Variants in PCDHB9 observed in about 807,000 individuals in gnomAD.
PCDHB9 encodes the protein protocadherin beta-9.
For missense variants in PCDHB9, 1,072 were observed against 995.1 expected (o/e 1.08, Z -1.04); for synonymous variants, 501 against 439.7 (o/e 1.14, Z -1.75).
At position 141,188,546 on chromosome 5, in the gene PCDHB9, G is replaced by A. The variant is rs377283406; in HGVS notation, c.1228G>A (p.Asp410Asn). Residue 410 changes from aspartate (D) to asparagine (N), a missense_variant, in exon 1 of 1, where the codon GAC (aspartate) becomes AAC (asparagine). Asp to Asn is a conservative substitution (Grantham distance 23, BLOSUM62 1). Transcript: ENST00000316105. The part of the protein sequence containing the change: ...FYILMTEGAL[D>N]RESKAEYNIT... Reference sequence around the variant, plus strand: ...CATCCTAATGACTGAAGGTGCACTGGACAGAGAGAGCAAAGCTGAGTACAA... The same window carrying A: ...CATCCTAATGACTGAAGGTGCACTGAACAGAGAGAGCAAAGCTGAGTACAA... 1.9e-6 allele frequency: 3 copies of A among 1,614,054 alleles called. No individual in the cohort carries two copies. The African/African-American group carries it at 4.0e-5, about 22-fold the overall frequency.
Position 141,187,656 on chromosome 5 carries a change from C to T in PCDHB9, c.338C>T (p.Pro113Leu), listed in dbSNP as rs782255448. ...TATTTCCAAATTTTAATGGATGATC[C>T]CTTTCAGATTTACCGGGCTGAGCTG... ...MLYFQILMDDPFQIYRAELRV... is the reference protein window; with the variant it reads ...MLYFQILMDDLFQIYRAELRV... Residue 113 changes from proline (P) to leucine (L), a missense_variant, in exon 1 of 1, where the codon CCC becomes CTC. Transcript: ENST00000316105. The T allele has an allele frequency of 2.7e-5, 43 of 1,613,752 alleles. No individual in the cohort carries two copies. Among genetic ancestry groups the T allele is most frequent in the Non-Finnish European group, 3.5e-5 (41 of 1,179,960 alleles).
chr5:141,188,041 G>C lies in PCDHB9; in HGVS notation c.723G>C (p.Gln241His). The change falls in exon 1 of 1, where the codon CAG becomes CAC. Residue 241 changes from glutamine (Q) to histidine (H), a missense_variant. Gln to His is a conservative substitution (Grantham distance 24, BLOSUM62 0). Transcript: ENST00000316105. ...VVLDVNDNVP[Q>H]FAQALYETQA... ...TGGATGTCAATGACAATGTCCCACAGTTTGCCCAGGCTCTGTATGAGACCC... is the reference window on the plus strand; with the variant it reads ...TGGATGTCAATGACAATGTCCCACACTTTGCCCAGGCTCTGTATGAGACCC... 1 of 1,614,024 alleles carries C rather than the reference G, an allele frequency of 6.2e-7. No individual in the cohort carries two copies. Among genetic ancestry groups the C allele is most frequent in the African/African-American group, 1.3e-5 (1 of 75,002 alleles).
In PCDHB9 at chr5:141,188,501, C is replaced by T; in HGVS notation, c.1183C>T (p.Pro395Ser). The change falls in exon 1 of 1, where the codon CCG (proline) becomes TCG (serine). Residue 395 changes from proline to serine, a missense_variant. Physicochemically the swap from Pro to Ser is moderately conservative, Grantham distance 74 (BLOSUM62 -1). Transcript: ENST00000316105. ...VQDNLPFFLK[P>S]SVDNFYILMT... is the part of the protein sequence containing the mutation. ...AGATAATCTGCCTTTTTTTCTGAAA[C>T]CGTCTGTTGACAATTTTTACATCCT... 1 of 1,614,122 alleles carries T rather than the reference C, an allele frequency of 6.2e-7. No homozygotes were observed. The highest frequency in any genetic ancestry group is 8.5e-7 in the Non-Finnish European group (1 of 1,180,008).
rs1554283397 is a variant in PCDHB9, at chr5:141,189,561, G to A, written c.2243G>A (p.Ser748Asn). The change falls in exon 1 of 1, where the codon AGC (serine) becomes AAC (asparagine). Residue 748 changes from serine (S) to asparagine (N), a missense_variant. Physicochemically the swap from Ser to Asn is conservative, Grantham distance 46. Transcript: ENST00000316105. ...DVSGTGTLFQSYQYEVCLTGG... is the reference protein window; with the variant it reads ...DVSGTGTLFQNYQYEVCLTGG... ...AGCGGCACCGGGACCCTGTTCCAGAGCTACCAGTACGAGGTGTGTCTGACT... is the reference window on the plus strand; with the variant it reads ...AGCGGCACCGGGACCCTGTTCCAGAACTACCAGTACGAGGTGTGTCTGACT... 1.9e-6 allele frequency: 3 copies of A among 1,614,144 alleles called. No homozygotes were observed. Among genetic ancestry groups the A allele is most frequent in the Admixed American group, 1.7e-5 (1 of 60,022 alleles).
In PCDHB9 at chr5:141,188,743, C is replaced by T. The variant is rs1369031792; in HGVS notation, c.1425C>T (p.Ala475=). Residue 475 remains alanine, a synonymous_variant, in exon 1 of 1, where the codon GCC becomes GCT. Coordinates refer to ENST00000316105, the MANE Select transcript of PCDHB9 (RefSeq NM_019119.5). The part of the protein sequence containing the change: ...SPALHIGSVS[A]TDRDSGTNAQ... ...CCCTGCACATCGGCAGTGTCAGCGCCACAGACAGAGACTCAGGCACCAACG... is the reference window on the plus strand; with the variant it reads ...CCCTGCACATCGGCAGTGTCAGCGCTACAGACAGAGACTCAGGCACCAACG... 59 of 1,613,200 alleles carry T rather than the reference C, an allele frequency of 3.7e-5. No individual in the cohort carries two copies. Among genetic ancestry groups the T allele is most frequent in the East Asian group, 4.5e-5 (2 of 44,894 alleles).
In PCDHB9 at chr5:141,187,727, G is replaced by C. The variant is rs782272485; in HGVS notation, c.409G>C (p.Glu137Gln). The C allele has an allele frequency of 1.9e-6, 3 of 1,614,174 alleles. No homozygotes were observed. In the Admixed American group the frequency reaches 5.0e-5, roughly 27 times the overall value. The change falls in exon 1 of 1, where the codon GAG becomes CAG. Residue 137 changes from glutamate to glutamine, a missense_variant. Coordinates refer to ENST00000316105, the MANE Select transcript of PCDHB9 (RefSeq NM_019119.5). ...NDHSPVFRHK[E>Q]MVLKISENTA... ...TCACTCGCCAGTGTTTCGGCACAAAGAGATGGTCTTAAAAATATCAGAAAA... is the reference window on the plus strand; with the variant it reads ...TCACTCGCCAGTGTTTCGGCACAAACAGATGGTCTTAAAAATATCAGAAAA...
In PCDHB9 at chr5:141,189,255, A is replaced by G; in HGVS notation, c.1937A>G (p.Asp646Gly). 4.4e-6 allele frequency: 7 copies of G among 1,607,568 alleles called. No homozygotes were observed. Among genetic ancestry groups the G allele is most frequent in the Non-Finnish European group, 5.9e-6 (7 of 1,179,694 alleles). Residue 646 changes from aspartate (D) to glycine (G), a missense_variant, in exon 1 of 1, where the codon GAC (aspartate) becomes GGC (glycine). Coordinates refer to ENST00000316105, the MANE Select transcript of PCDHB9 (RefSeq NM_019119.5). The part of the protein sequence containing the change: ...AKHRLVVLVK[D>G]NGEPPRSATA... ...CACAGGCTGGTGGTGCTTGTCAAGG[A>G]CAATGGCGAGCCTCCTCGCTCGGCC...
At position 141,189,711 on chromosome 5, in the gene PCDHB9, G is replaced by T. The variant is rs1554283436; in HGVS notation, c.2393G>T (p.Ter798LeuextTer5). 1.9e-6 allele frequency: 3 copies of T among 1,571,798 alleles called. No homozygotes were observed. The highest frequency in any genetic ancestry group is 2.3e-5 in the South Asian group (2 of 85,396). The change falls in exon 1 of 1, where the codon TGA (stop) becomes TTA (leucine). Residue 798 changes from the stop codon to leucine, a stop_lost. Transcript: ENST00000316105. ...CCCAATAGCTTTGGATTTAATTATT[G>T]AAAGGAACCCACTTAATAAAGACAT... is the stretch of plus-strand genomic sequence containing the variant. ...TLPNSFGFNY[*>L] is the part of the protein sequence containing the mutation.
Position 141,190,012 on chromosome 5 carries a change from C to G in PCDHB9, c.*300C>G, listed in dbSNP as rs912902194. ...ATTGCCTCTACATTATTCATTAGTTCTTCTTTTCCTAAAACTTTTTACTTG... is the reference window on the plus strand; with the variant it reads ...ATTGCCTCTACATTATTCATTAGTTGTTCTTTTCCTAAAACTTTTTACTTG... On this transcript the variant is annotated 3_prime_UTR_variant, in exon 1 of 1. Transcript: ENST00000316105. The G allele has an allele frequency of 4.1e-6, 1 of 244,354 alleles. No individual in the cohort carries two copies. Among genetic ancestry groups the G allele is most frequent in the Admixed American group, 5.0e-5 (1 of 19,830 alleles). 15.1% of individuals were successfully genotyped at this position (244,354 alleles called of 1,614,324 possible). A position where few individuals can be genotyped will look rare whatever the true frequency, so the allele number is the denominator to read the frequency against.
Position 141,189,442 on chromosome 5 carries a change from C to T in PCDHB9, c.2124C>T (p.Phe708=), listed in dbSNP as rs1179429492. Residue 708 remains phenylalanine, a synonymous_variant, in exon 1 of 1, where the codon TTC becomes TTT. Coordinates refer to ENST00000316105, the MANE Select transcript of PCDHB9 (RefSeq NM_019119.5). ...TCTTCCTCCTCTCGGTGCTCCTGTTCGTGGCGGTGCGGCTGTGCAGGAGGA... is the reference window on the plus strand; with the variant it reads ...TCTTCCTCCTCTCGGTGCTCCTGTTTGTGGCGGTGCGGCTGTGCAGGAGGA... ...SSLFLLSVLL[F]VAVRLCRRSR... 6.2e-7 allele frequency: 1 copy of T among 1,612,122 alleles called. No individual in the cohort carries two copies. Among genetic ancestry groups the T allele is most frequent in the Non-Finnish European group, 8.5e-7 (1 of 1,179,730 alleles).
chr5:141,188,254 A>G lies in PCDHB9; in HGVS notation c.936A>G (p.Val312=), dbSNP rs782368534. Residue 312 remains valine (V), a synonymous_variant, in exon 1 of 1, where the codon GTA becomes GTG. Coordinates refer to ENST00000316105, the MANE Select transcript of PCDHB9 (RefSeq NM_019119.5). ...FLRELLDYEL[V]NSYKINIQAM... Reference sequence around the variant, plus strand: ...GAGAATTGCTTGATTATGAGTTAGTAAATTCTTACAAAATAAATATACAGG... The same window carrying G: ...GAGAATTGCTTGATTATGAGTTAGTGAATTCTTACAAAATAAATATACAGG... 4.3e-6 allele frequency: 7 copies of G among 1,613,904 alleles called. No homozygotes were observed. The highest frequency in any genetic ancestry group is 4.0e-5 in the African/African-American group (3 of 74,934).
In PCDHB9 at chr5:141,188,379, A is replaced by G. The variant is rs1554282990; in HGVS notation, c.1061A>G (p.Asn354Ser). The change falls in exon 1 of 1, where the codon AAC (asparagine) becomes AGC (serine). Residue 354 changes from asparagine to serine, a missense_variant. Physicochemically the swap from Asn to Ser is conservative, Grantham distance 46. Transcript: ENST00000316105. ...PPELIISSLS[N>S]SVAENSPGIV... Reference sequence around the variant, plus strand: ...GAACTGATCATATCATCACTTTCCAACTCTGTTGCTGAAAACTCTCCTGGG... The same window carrying G: ...GAACTGATCATATCATCACTTTCCAGCTCTGTTGCTGAAAACTCTCCTGGG... 3 of 1,613,922 alleles carry G rather than the reference A, an allele frequency of 1.9e-6. No homozygotes were observed. The highest frequency in any genetic ancestry group is 2.5e-6 in the Non-Finnish European group (3 of 1,179,938).
rs200481158 is a variant in PCDHB9, at chr5:141,187,956, C to G, written c.638C>G (p.Thr213Arg). The change falls in exon 1 of 1, where the codon ACA becomes AGA. Residue 213 changes from threonine (T) to arginine (R), a missense_variant. Coordinates refer to ENST00000316105, the MANE Select transcript of PCDHB9 (RefSeq NM_019119.5). ...CAGGAAGAGCTCAGCTTAACCCTCA[C>G]AGCGCTGGATGGTGGGTCTCCATCC... ...EEQEELSLTL[T>R]ALDGGSPSRS... 87 of 1,613,952 alleles carry G rather than the reference C, an allele frequency of 5.4e-5. No individual in the cohort carries two copies. Among genetic ancestry groups the G allele is most frequent in the Non-Finnish European group, 5.8e-5 (69 of 1,179,966 alleles).
Position 141,187,225 on chromosome 5 carries a change from A to T in PCDHB9, c.-94A>T. 1 of 1,359,062 alleles carries T rather than the reference A, an allele frequency of 7.4e-7. No homozygotes were observed. The highest frequency in any genetic ancestry group is 1.9e-4 in the Middle Eastern group (1 of 5,290). The allele number at this position is 1,359,062 out of a possible 1,614,324, so 84.2% of individuals were successfully genotyped here. On this transcript the variant is annotated 5_prime_UTR_variant, in exon 1 of 1. Transcript: ENST00000316105. The stretch of plus-strand genomic sequence containing the variant: ...CTGATTGGGAAAGGAAAAATTAAAA[A>T]CCCTAGATCTCTGGTACACATAAGT...
chr5:141,187,526 G>T lies in PCDHB9; in HGVS notation c.208G>T (p.Asp70Tyr), dbSNP rs1554282810. ...AAGGGGAACCAGGGTGGTTTCCGAT[G>T]ATAACAAACAATACCTGCTCCTGGA... Reference protein sequence around the residue: ...AARGTRVVSDDNKQYLLLDSH... With the variant: ...AARGTRVVSDYNKQYLLLDSH... The change falls in exon 1 of 1, where the codon GAT (aspartate) becomes TAT (tyrosine). Residue 70 changes from aspartate to tyrosine, a missense_variant. Physicochemically the swap from Asp to Tyr is radical, Grantham distance 160. Coordinates refer to ENST00000316105, the MANE Select transcript of PCDHB9 (RefSeq NM_019119.5). 5.4e-5 allele frequency: 87 copies of T among 1,608,976 alleles called. No homozygotes were observed. Among genetic ancestry groups the T allele is most frequent in the Non-Finnish European group, 7.3e-5 (86 of 1,176,564 alleles).
chr5:141,188,661 C>A lies in PCDHB9; in HGVS notation c.1343C>A (p.Ala448Asp), dbSNP rs200036231. ...TLQVSDVNDN[A>D]PAFTQTSYTL... Reference sequence around the variant, plus strand: ...CAGGTCTCCGACGTCAATGACAACGCCCCCGCCTTCACCCAAACCTCCTAC... The same window carrying A: ...CAGGTCTCCGACGTCAATGACAACGACCCCGCCTTCACCCAAACCTCCTAC... Residue 448 changes from alanine (A) to aspartate (D), a missense_variant, in exon 1 of 1, where the codon GCC (alanine) becomes GAC (aspartate). By Grantham distance (126) the Ala-to-Asp change is moderately radical (BLOSUM62 -2). Coordinates refer to ENST00000316105, the MANE Select transcript of PCDHB9 (RefSeq NM_019119.5). 152 of 1,614,104 alleles carry A rather than the reference C, an allele frequency of 9.4e-5. No individual in the cohort carries two copies. In the African/African-American group the frequency reaches 1.7e-3, roughly 18 times the overall value.
At position 141,189,972 on chromosome 5, in the gene PCDHB9, A is replaced by G. The variant is rs1002393428; in HGVS notation, c.*260A>G. On this transcript the variant is annotated 3_prime_UTR_variant, in exon 1 of 1. Transcript: ENST00000316105. ...ATTTTTGGTCGTTTTAAATGTCTTT[A>G]TTGACTTTAAATTCATTGCCTCTAC... 1.7e-5 allele frequency: 6 copies of G among 347,150 alleles called. No homozygotes were observed. The highest frequency in any genetic ancestry group is 8.5e-5 in the African/African-American group (4 of 47,118). 21.5% of individuals were successfully genotyped at this position (347,150 alleles called of 1,614,324 possible).
chr5:141,189,366 C>G lies in PCDHB9; in HGVS notation c.2048C>G (p.Ala683Gly). The G allele has an allele frequency of 6.2e-7, 1 of 1,611,654 alleles. No homozygotes were observed. ...LPEAAPAQAQADLLTVYLVVA... is the reference protein window; with the variant it reads ...LPEAAPAQAQGDLLTVYLVVA... Reference sequence around the variant, plus strand: ...GAGGCGGCCCCGGCCCAGGCCCAGGCCGACTTGCTCACCGTCTACCTGGTG... The same window carrying G: ...GAGGCGGCCCCGGCCCAGGCCCAGGGCGACTTGCTCACCGTCTACCTGGTG... Residue 683 changes from alanine to glycine, a missense_variant, in exon 1 of 1, where the codon GCC (alanine) becomes GGC (glycine). By Grantham distance (60) the Ala-to-Gly change is moderately conservative. Coordinates refer to ENST00000316105, the MANE Select transcript of PCDHB9 (RefSeq NM_019119.5).
rs1753756687 is a variant in PCDHB9, at chr5:141,187,219, T to C, written c.-100T>C. 7.4e-7 allele frequency: 1 copy of C among 1,350,074 alleles called. No individual in the cohort carries two copies. The highest frequency in any genetic ancestry group is 2.3e-5 in the Admixed American group (1 of 43,452). 83.6% of individuals were successfully genotyped at this position (1,350,074 alleles called of 1,614,324 possible). ...GAGTCCCTGATTGGGAAAGGAAAAA[T>C]TAAAAACCCTAGATCTCTGGTACAC... On this transcript the variant is annotated 5_prime_UTR_variant, in exon 1 of 1. Transcript: ENST00000316105.
Sources: gnomAD v4.1 joint callset for allele counts on GRCh38, gnomAD v4.1.1 for gene constraint, MANE v1.5 for transcripts, NCBI Gene and HGNC (gene_info 2026-07-23, HGNC 2026-07-21) for gene names.